TYR: variants seen among roughly 807,000 people sequenced by gnomAD.
TYR encodes the protein tyrosinase.
Under a neutral mutation model 51.5 loss-of-function variants are expected in TYR, and 58 were observed. That is an observed-to-expected ratio of 1.13 (90% CI 0.91 to 1.40). The LOEUF (loss-of-function observed/expected upper bound fraction) is 1.40, where lower values mean the gene tolerates loss of function less well. TYR is among the 40% of genes most tolerant of loss of function. TYR has a pLI of 0.00. For synonymous variants in TYR, 263 were observed against 235.2 expected (o/e 1.12, Z -1.08); for missense variants, 732 against 647.4 (o/e 1.13, Z -1.42).
chr11:89,273,142 C>G (rs1944609983), intron 3 of TYR, among the ~76,000 whole-genome samples: 1 of 151,868 alleles, frequency 6.6e-6, no homozygotes, highest in African/African-American at 2.4e-5. Context: ...CATAAAAGGC[C>G]TAGCTATGTT....
intron 3 of TYR, among the ~76,000 whole-genome samples, chr11:89,246,484 C>A (rs1034963669): frequency 6.6e-6 from 1 of 152,130 alleles, no homozygotes. Flanking sequence ...ACTCACTGTA[C>A]TCTAAATGCT....
chr11:89,218,227 CTTAA>C (rs1286841623), intron 2 of TYR, among the ~76,000 whole-genome samples: 3 of 152,052 alleles, frequency 2.0e-5, no homozygotes, highest in Non-Finnish European at 4.4e-5. Flanking sequence ...AAAAAGTTAG[CTTAA>C]TTGATTTTAA....
At chr11:89,237,522 G>C (rs778302184) in intron 3 of TYR, among the ~76,000 whole-genome samples, 34 of 152,118 alleles carry the variant, frequency 2.2e-4, no homozygotes, top group Admixed American at 4.6e-4. Flanking sequence ...TTTATTTCTG[G>C]GATGTCTATT....
At chr11:89,193,067 C>T (rs1943467546) in intron 2 of TYR, among the ~76,000 whole-genome samples, 1 of 152,058 alleles carries the variant, frequency 6.6e-6, no homozygotes, top group Admixed American at 6.6e-5. Flanking sequence ...ATCTCAGAGC[C>T]TATATAACAA....
chr11:89,276,232 G>T (rs1590895461), intron 3 of TYR, among the ~76,000 whole-genome samples: 1 of 151,826 alleles, frequency 6.6e-6, no homozygotes, highest in African/African-American at 2.4e-5. Context: ...GAGTGATTGT[G>T]ATCCTGAATT....
At chr11:89,225,214 C>T (rs1052813840) in intron 2 of TYR, among the ~76,000 whole-genome samples, 2 of 151,768 alleles carry the variant, frequency 1.3e-5, no homozygotes, top group African/African-American at 4.8e-5. Context: ...TGTATGTATA[C>T]ATTGGGAAAT....
chr11:89,258,035 G>A (rs1419717164), intron 3 of TYR, among the ~76,000 whole-genome samples: 1 of 151,804 alleles, frequency 6.6e-6, no homozygotes, highest in Non-Finnish European at 1.5e-5. Flanking sequence ...ATTGTGTTTT[G>A]GTGCAAAGTC....
In TYR at chr11:89,190,425, A is replaced by G. The variant is rs144248787; in HGVS notation, c.820-777A>G. 2.2e-4 allele frequency among the ~76,000 whole-genome samples: 33 copies of G among 152,250 alleles called. 1 individual carries two copies. Among genetic ancestry groups the G allele is most frequent in the African/African-American group, 6.5e-4 (27 of 41,556 alleles). On this transcript the variant is annotated intron_variant, in intron 1 of 4. Transcript: ENST00000263321. ...TGTCTCAGTTTTTAACGAAATTTCA[A>G]TTATGTTTATAATAAGTAAAAAATT...
intron 2 of TYR, among the ~76,000 whole-genome samples, chr11:89,222,610 G>A (rs771455958): frequency 6.6e-6 from 1 of 152,064 alleles, no homozygotes; most frequent in Non-Finnish European, 1.5e-5. Context: ...ATGCTGGCTT[G>A]TGCCTGTAAT....
At chr11:89,288,920 A>G (rs1475892249) in intron 4 of TYR, among the ~76,000 whole-genome samples, 4 of 151,974 alleles carry the variant, frequency 2.6e-5, no homozygotes, top group African/African-American at 9.7e-5. Context: ...AATTTTGTTC[A>G]AGGGGATTAT....
chr11:89,204,526 C>G (rs1943645683), intron 2 of TYR, among the ~76,000 whole-genome samples: 1 of 151,830 alleles, frequency 6.6e-6, no homozygotes, highest in Non-Finnish European at 1.5e-5. Context: ...TCCCGAGTAG[C>G]TCAGATTGCA....
chr11:89,266,210 A>G (rs978868308), intron 3 of TYR, among the ~76,000 whole-genome samples: 1 of 151,940 alleles, frequency 6.6e-6, no homozygotes, highest in African/African-American at 2.4e-5. Flanking sequence ...TAAATTGCCA[A>G]TGATATTAGT....
chr11:89,204,946 C>T (rs1344210812), intron 2 of TYR, among the ~76,000 whole-genome samples: 2 of 151,444 alleles, frequency 1.3e-5, no homozygotes, highest in Non-Finnish European at 2.9e-5. Context: ...TGGTGAAAAC[C>T]GCAATTACGT....
At chr11:89,199,209 C>T (rs533214595) in intron 2 of TYR, among the ~76,000 whole-genome samples, 104 of 152,114 alleles carry the variant, frequency 6.8e-4, no homozygotes, top group African/African-American at 2.3e-3. Context: ...TGAATAGTGC[C>T]GCAATAAACA....
intron 2 of TYR, chr11:89,192,147 C>T: frequency 3.9e-6 from 1 of 257,822 alleles, no homozygotes; most frequent in South Asian, 3.6e-5. Flanking sequence ...TCTTCTCTAA[C>T]TCCTAAATAT....
Position 89,284,776 on chromosome 11 carries a change from T to C in TYR, c.1188T>C (p.Ile396=). ...FLLHHAFVDS[I]FEQWLRRHRP... Reference sequence around the variant, plus strand: ...TGAATAACCTTTTCCTCTGCAGTATTTTTGAGCAGTGGCTCCGAAGGCACC... The same window carrying C: ...TGAATAACCTTTTCCTCTGCAGTATCTTTGAGCAGTGGCTCCGAAGGCACC... Residue 396 remains isoleucine, a synonymous_variant, in exon 4 of 5, where the codon ATT becomes ATC. Transcript: ENST00000263321. 6.2e-7 allele frequency: 1 copy of C among 1,611,568 alleles called. No homozygotes were observed. Among genetic ancestry groups the C allele is most frequent in the African/African-American group, 1.3e-5 (1 of 74,870 alleles).
chr11:89,178,126 T>G lies in TYR; in HGVS notation c.173T>G (p.Ile58Ser), dbSNP rs747471613. 1.2e-6 allele frequency: 2 copies of G among 1,614,146 alleles called. No homozygotes were observed. The highest frequency in any genetic ancestry group is 1.7e-6 in the Non-Finnish European group (2 of 1,180,016). ...QLSGRGSCQN[I>S]LLSNAPLGPQ... ...TCAGGCAGAGGTTCCTGTCAGAATATCCTTCTGTCCAATGCACCACTTGGG... is the reference window on the plus strand; with the variant it reads ...TCAGGCAGAGGTTCCTGTCAGAATAGCCTTCTGTCCAATGCACCACTTGGG... Residue 58 changes from isoleucine (I) to serine (S), a missense_variant, in exon 1 of 5, where the codon ATC becomes AGC. Coordinates refer to ENST00000263321, the MANE Select transcript of TYR (RefSeq NM_000372.5).
At chr11:89,215,428 G>C (rs28625671) in intron 2 of TYR, among the ~76,000 whole-genome samples, 3,793 of 152,050 alleles carry the variant, frequency 0.025, 172 homozygotes, top group African/African-American at 0.088. Flanking sequence ...TAAATAACGA[G>C]CTGATGGGTG....
intron 4 of TYR, among the ~76,000 whole-genome samples, chr11:89,290,911 T>C (rs1246347146): frequency 6.6e-6 from 1 of 152,000 alleles, no homozygotes; most frequent in African/African-American, 2.4e-5. Flanking sequence ...AAGGAATTGT[T>C]TTGTTAGAAA....
Sources: gnomAD v4.1 joint callset for allele counts (sites outside exome capture counted in the v4.1 genomes callset) on GRCh38, gnomAD v4.1.1 for gene constraint, MANE v1.5 for transcripts, NCBI Gene and HGNC (gene_info 2026-07-23, HGNC 2026-07-21) for gene names.